TRPM8: variants seen among roughly 807,000 people sequenced by gnomAD.
The protein encoded by TRPM8 is TRPM8 cationic channel.
TRPM8 carries 110 observed loss-of-function variants against 133.7 expected under a neutral mutation model. The ratio of observed to expected loss-of-function variants is 0.82; its 90% CI spans 0.70 to 0.96. The LOEUF is 0.96. Among genes scored for constraint, TRPM8 ranks in the 40% least tolerant of loss-of-function variants. The pLI, the probability that TRPM8 is intolerant of heterozygous loss-of-function variation, is 0.00. For synonymous variants in TRPM8, 535 were observed against 532.3 expected, an observed-to-expected ratio of 1.01 and a Z score of -0.07; for missense variants, 1,291 against 1,379.5, an observed-to-expected ratio of 0.94 and a Z score of 1.02.
chr2:234,009,907 A>G (rs1320823769), intron 24 of TRPM8, among the ~76,000 whole-genome samples: 2 of 152,232 alleles, frequency 1.3e-5, no homozygotes, highest in Non-Finnish European at 2.9e-5. Context: ...CAAAATGATC[A>G]CTACAACCGA....
chr2:233,969,826 A>C lies in TRPM8; in HGVS notation c.2138+19A>C. The C allele has an allele frequency of 6.7e-7, 1 of 1,492,578 alleles. No homozygotes were observed. Among genetic ancestry groups the C allele is most frequent in the Non-Finnish European group, 9.4e-7 (1 of 1,069,482 alleles). The allele number at this position is 1,492,578 out of a possible 1,614,324, so 92.5% of individuals were successfully genotyped here. Reference sequence around the variant, plus strand: ...CATTTAGGTACAAACCAAGGCACATAATCGTGTGTGAGTGTGTGTGCCAGT... The same window carrying C: ...CATTTAGGTACAAACCAAGGCACATCATCGTGTGTGAGTGTGTGTGCCAGT... On this transcript the variant is annotated intron_variant, in intron 16 of 25. Transcript: ENST00000324695.
rs772048258 is a variant in TRPM8 at position 233,942,609 on chromosome 2, G to T, written c.560G>T (p.Gly187Val). 3 of 1,614,192 alleles carry T rather than the reference G, an allele frequency of 1.9e-6. No homozygotes were observed. Among genetic ancestry groups the T allele is most frequent in the Non-Finnish European group, 2.5e-6 (3 of 1,180,038 alleles). The change falls in exon 6 of 26, where the codon GGC becomes GTC. Residue 187 changes from glycine to valine, a missense_variant. Gly to Val is a moderately radical substitution (Grantham distance 109). Around this residue, in one of 2 missense-constraint regions of TRPM8, gnomAD observed 963 missense variants for 968.9 expected, o/e 0.99. Coordinates refer to ENST00000324695, the MANE Select transcript of TRPM8 (RefSeq NM_024080.5). ...ATTCTCACGGGAGGCACCCATTATG[G>T]CCTGATGAAGTACATCGGGGAGGTG... ...AWILTGGTHY[G>V]LMKYIGEVVR...
Position 233,985,779 on chromosome 2 carries a change from C to T in TRPM8, c.2853C>T (p.Phe951=). The change falls in exon 21 of 26, where the codon TTC becomes TTT. Residue 951 remains phenylalanine (F), a synonymous_variant. Coordinates refer to ENST00000324695, the MANE Select transcript of TRPM8 (RefSeq NM_024080.5). ...VELDEHNLPR[F]PEWITIPLVC... is the part of the protein sequence containing the mutation. ...TGGATGAGCACAACCTGCCCCGGTT[C>T]CCCGAGTGGATCACCATCCCCCTGG... The T allele has an allele frequency of 1.2e-6, 2 of 1,614,198 alleles. No homozygotes were observed. The highest frequency in any genetic ancestry group is 1.7e-6 in the Non-Finnish European group (2 of 1,180,024).
At chr2:233,952,095 C>T (rs936645311) in intron 9 of TRPM8, among the ~76,000 whole-genome samples, 2 of 152,166 alleles carry the variant, frequency 1.3e-5, no homozygotes, top group Non-Finnish European at 2.9e-5. Flanking sequence ...GTCTATCAAC[C>T]AATCTAGATA....
At chr2:233,957,324 C>G (rs1177139160) in intron 11 of TRPM8, among the ~76,000 whole-genome samples, 1 of 139,314 alleles carries the variant, frequency 7.2e-6, no homozygotes, top group Non-Finnish European at 1.5e-5. Context: ...CACCTCTGCC[C>G]CCCCCAAAAA....
intron 22 of TRPM8, among the ~76,000 whole-genome samples, chr2:234,004,647 A>G (rs1692649186): frequency 6.6e-6 from 1 of 152,228 alleles, no homozygotes; most frequent in African/African-American, 2.4e-5. Flanking sequence ...CTACACAGTA[A>G]TTGCTTTTTC....
chr2:233,950,822 G>A (rs1329231442), intron 9 of TRPM8, among the ~76,000 whole-genome samples: 1 of 152,186 alleles, frequency 6.6e-6, no homozygotes, highest in African/African-American at 2.4e-5. Context: ...CTGTTGGTTG[G>A]GAAAAGCAGC....
intron 4 of TRPM8, 121 bp from the exon 5 acceptor site, chr2:233,938,877 C>A: frequency 1.8e-6 from 2 of 1,134,414 alleles, no homozygotes; most frequent in Non-Finnish European, 2.5e-6. Flanking sequence ...TCCCTGCTGC[C>A]CCCACCCCGC....
chr2:233,975,797 G>T (rs1025833723), intron 17 of TRPM8, among the ~76,000 whole-genome samples: 3 of 152,184 alleles, frequency 2.0e-5, no homozygotes, highest in Non-Finnish European at 4.4e-5. Context: ...CAGTAGAATC[G>T]CTTGAACCCT....
chr2:233,975,218 C>T (rs185587899), intron 17 of TRPM8, among the ~76,000 whole-genome samples: 31 of 152,294 alleles, frequency 2.0e-4, no homozygotes, highest in Admixed American at 1.7e-3. Context: ...GGCACCGACA[C>T]GTTTCTGACA....
At chr2:233,925,192 C>G (rs1326785221) in intron 1 of TRPM8, among the ~76,000 whole-genome samples, 1 of 152,150 alleles carries the variant, frequency 6.6e-6, no homozygotes, top group Non-Finnish European at 1.5e-5. Context: ...GGAGGATTTG[C>G]AAGGGAGTAT....
intron 7 of TRPM8, 36 bp from the exon 8 acceptor site, chr2:233,947,052 G>A: frequency 3.1e-6 from 5 of 1,600,880 alleles, no homozygotes; most frequent in Non-Finnish European, 2.6e-6. Flanking sequence ...TATTTCTAAT[G>A]AGCTCAAAAT....
At chr2:233,938,031 CCCCATGGCATTCCTGGTAGGTGACCCAG>C (rs1690804192) in intron 4 of TRPM8, among the ~76,000 whole-genome samples, 1 of 152,206 alleles carries the variant, frequency 6.6e-6, no homozygotes, top group African/African-American at 2.4e-5. Context: ...TCTCCCAAAC[CCCCATGGCATTCCTGGTAGGTGACCCAG>C]CCCATGGCAT....
intron 10 of TRPM8, among the ~76,000 whole-genome samples, chr2:233,954,863 C>G (rs1322999025): frequency 6.6e-6 from 1 of 152,090 alleles, no homozygotes; most frequent in African/African-American, 2.4e-5. Context: ...ATGGAAAAAA[C>G]CTTTACTATA....
chr2:233,955,763 G>A (rs1343276678), intron 11 of TRPM8, among the ~76,000 whole-genome samples: 1 of 152,174 alleles, frequency 6.6e-6, no homozygotes, highest in East Asian at 1.9e-4. Flanking sequence ...TAGAGCAGGG[G>A]TGCCGGTCCA....
chr2:233,935,135 T>C (rs1691764353), intron 3 of TRPM8, among the ~76,000 whole-genome samples: 1 of 152,258 alleles, frequency 6.6e-6, no homozygotes, highest in Non-Finnish European at 1.5e-5. Flanking sequence ...TATTTGCTCA[T>C]TTGTTCATTC....
intron 2 of TRPM8, among the ~76,000 whole-genome samples, chr2:233,927,364 A>G (rs1194717186): frequency 6.6e-6 from 1 of 152,194 alleles, no homozygotes; most frequent in Non-Finnish European, 1.5e-5. Flanking sequence ...ACACAAACAA[A>G]TACGCAAAAA....
chr2:234,009,095 G>A (rs1197789167), intron 24 of TRPM8, among the ~76,000 whole-genome samples: 1 of 152,058 alleles, frequency 6.6e-6, no homozygotes, highest in African/African-American at 2.4e-5. Flanking sequence ...TTACAGAGCT[G>A]GATTTTATTC....
chr2:233,936,891 C>CTTT (rs5839499), intron 3 of TRPM8, among the ~76,000 whole-genome samples: 52 of 101,318 alleles, frequency 5.1e-4, no homozygotes, highest in African/African-American at 1.3e-3. Context: ...TCTTTCTTTC[C>CTTT]TTTTTTTTTT....
Sources: gnomAD v4.1 joint callset for allele counts (sites outside exome capture counted in the v4.1 genomes callset) on GRCh38, gnomAD v4.1.1 for gene constraint, gnomAD v4.1.1 regional missense constraint, MANE v1.5 for transcripts, NCBI Gene and HGNC (gene_info 2026-07-23, HGNC 2026-07-21) for gene names.